TTC33: variants seen among roughly 807,000 people sequenced by gnomAD.
The protein encoded by TTC33 is tetratricopeptide repeat protein 33.
In TTC33, 24 loss-of-function variants were observed where a neutral mutation model predicts 29.4. The ratio of observed to expected loss-of-function variants is 0.82; its 90% CI spans 0.59 to 1.15. The LOEUF is 1.15. Among genes scored for constraint, TTC33 ranks in the 50% most tolerant of loss-of-function variants. The pLI is 0.00. For synonymous variants in TTC33, 107 were observed against 100.3 expected, an observed-to-expected ratio of 1.07 and a Z score of -0.40; for missense variants, 286 against 310.4, an observed-to-expected ratio of 0.92 and a Z score of 0.59.
chr5:40,717,289 T>C (rs1378645204), intron 4 of TTC33, among the ~76,000 whole-genome samples: 3 of 150,644 alleles, frequency 2.0e-5, no homozygotes, highest in Middle Eastern at 3.2e-3. Flanking sequence ...AATAATCATA[T>C]GAAGTAGGTA....
At chr5:40,737,595 T>C (rs1429409300) in intron 2 of TTC33, among the ~76,000 whole-genome samples, 2 of 152,218 alleles carry the variant, frequency 1.3e-5, no homozygotes, top group African/African-American at 2.4e-5. Context: ...TGGTGTGTGA[T>C]TTATATATCA....
rs1410690058 is a variant in TTC33 at position 40,714,792 on chromosome 5, G to A, written c.*1353C>T. On this transcript the variant is annotated 3_prime_UTR_variant, in exon 5 of 5. Transcript: ENST00000337702. ...TTTAAAAACCATCTTCATAAAAAAT[G>A]TAGATCATTACTTATAAGCTCCAAC... 1 of 152,194 alleles carries A rather than the reference G, an allele frequency of 6.6e-6. No homozygotes were observed. Among genetic ancestry groups the A allele is most frequent in the Non-Finnish European group, 1.5e-5 (1 of 67,978 alleles). 9.4% of individuals were successfully genotyped at this position (152,194 alleles called of 1,614,324 possible).
At position 40,746,881 on chromosome 5, in the gene TTC33, A is replaced by C. The variant is rs1167026250; in HGVS notation, c.138T>G (p.Arg46=). ...AGCCTTCAAGAAGAATTTCTTTCCTACGTTTAATGGCATGAAGCCAGTTCC... is the reference window on the plus strand; with the variant it reads ...AGCCTTCAAGAAGAATTTCTTTCCTCCGTTTAATGGCATGAAGCCAGTTCC... ...DEGNWLHAIK[R]RKEILLEGCA... Residue 46 remains arginine, a synonymous_variant, in exon 2 of 5, where the codon CGT becomes CGG. Coordinates refer to ENST00000337702, the MANE Select transcript of TTC33 (RefSeq NM_012382.3). 1 of 1,613,998 alleles carries C rather than the reference A, an allele frequency of 6.2e-7. No homozygotes were observed. Among genetic ancestry groups the C allele is most frequent in the South Asian group, 1.1e-5 (1 of 91,078 alleles).
intron 2 of TTC33, among the ~76,000 whole-genome samples, chr5:40,734,114 A>G (rs1474189837): frequency 6.6e-6 from 1 of 152,172 alleles, no homozygotes; most frequent in Non-Finnish European, 1.5e-5. Context: ...CAAAGCAAGA[A>G]ATGGTGGGTA....
chr5:40,735,845 A>G (rs953547536), intron 2 of TTC33, among the ~76,000 whole-genome samples: 7 of 152,148 alleles, frequency 4.6e-5, no homozygotes, highest in African/African-American at 1.7e-4. Flanking sequence ...ATTTGACAAC[A>G]TGGAGGTCAC....
chr5:40,718,745 A>T (rs1742062411), intron 4 of TTC33, among the ~76,000 whole-genome samples: 1 of 151,908 alleles, frequency 6.6e-6, no homozygotes, highest in South Asian at 2.1e-4. Flanking sequence ...CTCGAAAAAA[A>T]AAAAAATTAG....
chr5:40,737,857 T>G (rs187684805), intron 2 of TTC33, among the ~76,000 whole-genome samples: 1 of 152,354 alleles, frequency 6.6e-6, no homozygotes, highest in African/African-American at 2.4e-5. Flanking sequence ...CTTCCTGACT[T>G]CTTTCCCTTA....
intron 1 of TTC33, among the ~76,000 whole-genome samples, chr5:40,754,858 T>C (rs372967140): frequency 8.5e-5 from 13 of 152,204 alleles, no homozygotes; most frequent in African/African-American, 3.1e-4. Context: ...GTTTCAGATA[T>C]CTTAAGCCGA....
chr5:40,739,475 T>C (rs532586354), intron 2 of TTC33, among the ~76,000 whole-genome samples: 17 of 152,258 alleles, frequency 1.1e-4, no homozygotes, highest in Non-Finnish European at 1.8e-4. Flanking sequence ...TGGGAGGTGA[T>C]TGGATCATGG....
chr5:40,738,539 C>CAATAAAATAA (rs1164887852), intron 2 of TTC33, among the ~76,000 whole-genome samples: 12 of 67,444 alleles, frequency 1.8e-4, no homozygotes, highest in East Asian at 5.3e-4. Context: ...CAATAAAATA[C>CAATAAAATAA]AATAAAATAA....
At chr5:40,740,215 C>T (rs751535614) in intron 2 of TTC33, among the ~76,000 whole-genome samples, 55 of 151,298 alleles carry the variant, frequency 3.6e-4, no homozygotes, top group Non-Finnish European at 5.2e-4. Flanking sequence ...AGTCTTCATA[C>T]TTACCCATGT....
At chr5:40,728,164 G>C (rs549742415) in intron 4 of TTC33, among the ~76,000 whole-genome samples, 181 bp downstream of exon 4, 14 of 150,242 alleles carry the variant, frequency 9.3e-5, no homozygotes, top group Non-Finnish European at 1.8e-4. Context: ...CATGCCTATA[G>C]TCCCAGCTAC....
intron 2 of TTC33, among the ~76,000 whole-genome samples, chr5:40,733,757 G>A (rs544382241): frequency 2.0e-5 from 3 of 152,218 alleles, no homozygotes; most frequent in South Asian, 2.1e-4. Flanking sequence ...GGCTTATCCC[G>A]TCCCCAACCC....
chr5:40,725,516 T>C (rs1742259887), intron 4 of TTC33, among the ~76,000 whole-genome samples: 1 of 152,152 alleles, frequency 6.6e-6, no homozygotes, highest in Non-Finnish European at 1.5e-5. Context: ...TATTGCACAT[T>C]GGCATGAAGA....
chr5:40,730,411 T>G (rs899810614), intron 2 of TTC33, 68 bp from the exon 3 acceptor site: 3 of 1,293,318 alleles, frequency 2.3e-6, no homozygotes, highest in African/African-American at 3.0e-5. Context: ...AAAAAAAAAT[T>G]TTTATTGTAG....
intron 2 of TTC33, among the ~76,000 whole-genome samples, chr5:40,735,063 C>T (rs547376269): frequency 6.6e-6 from 1 of 152,154 alleles, no homozygotes; most frequent in Admixed American, 6.5e-5. Context: ...GGGGCAGGAC[C>T]AAACCATGTT....
In TTC33 at chr5:40,746,928, CCTT is replaced by C. The variant is rs1742800078; in HGVS notation, c.88_90del (p.Lys30del). 5 of 1,614,104 alleles carry C rather than the reference CCTT, an allele frequency of 3.1e-6. No individual in the cohort carries two copies. In the East Asian group the frequency reaches 6.7e-5, roughly 22 times the overall value. The stretch of plus-strand genomic sequence containing the variant: ...TTCCCTTCATCGTTGTCAACTACAT[CCTT>C]CTCATCAGCAGCTTCAGCTTCAAAC... On this transcript the variant is annotated inframe_deletion, in exon 2 of 5. Transcript: ENST00000337702.
rs770207751 is a variant in TTC33, at chr5:40,716,500, T to A, written c.436-2A>T. 11 of 1,577,644 alleles carry A rather than the reference T, an allele frequency of 7.0e-6. No homozygotes were observed. Among genetic ancestry groups the A allele is most frequent in the Non-Finnish European group, 8.6e-6 (10 of 1,164,666 alleles). On this transcript the variant is annotated splice_acceptor_variant, in intron 4 of 4. Coordinates refer to ENST00000337702, the MANE Select transcript of TTC33 (RefSeq NM_012382.3). LOFTEE classifies it high-confidence loss of function. ...GGCTACTTGAAAACTTCGAATTGCC[T>A]AGAAAATAAGGTCAGAGTTTTTTGT...
intron 1 of TTC33, among the ~76,000 whole-genome samples, chr5:40,755,449 C>A (rs1403064772): frequency 6.6e-6 from 1 of 152,360 alleles, no homozygotes. Context: ...ACGTCACCTG[C>A]GCGTTCACGG....
Sources: allele counts gnomAD v4.1 joint callset (sites outside exome capture counted in the v4.1 genomes callset), GRCh38; gene constraint gnomAD v4.1.1; transcripts MANE v1.5; gene names NCBI Gene and HGNC (gene_info 2026-07-23, HGNC 2026-07-21).